Variants in TFEC observed in about 807,000 individuals in gnomAD.
TFEC encodes class E basic helix-loop-helix protein 34.
Under a neutral mutation model 41.6 loss-of-function variants are expected in TFEC, and 31 were observed. That is an observed-to-expected ratio of 0.74 (90% CI 0.56 to 1.01). The LOEUF is 1.01. TFEC is among the 50% of genes least tolerant of loss of function. The pLI is 0.00. For synonymous variants in TFEC, 143 were observed against 140.6 expected, an observed-to-expected ratio of 1.02 and a Z score of -0.12; for missense variants, 402 against 404.1, an observed-to-expected ratio of 0.99 and a Z score of 0.04.
intron 7 of TFEC, 90 bp downstream of exon 7, chr7:115,941,803 G>C: frequency 1.4e-6 from 2 of 1,478,034 alleles, no homozygotes; most frequent in Non-Finnish European, 1.8e-6. Context: ...TTGTTAATAA[G>C]AGAAAAAATA....
In TFEC at chr7:115,938,663, G is replaced by A. The variant is rs1793344248; in HGVS notation, c.*1888C>T. ...CAGCATTAGGGTCTCACATTTCATA[G>A]TGACATATTTTCCATGTGAGAAGCA... On this transcript the variant is annotated 3_prime_UTR_variant, in exon 8 of 8. Coordinates refer to ENST00000265440, the MANE Select transcript of TFEC (RefSeq NM_012252.4). 3 of 151,768 alleles carry A rather than the reference G, an allele frequency of 2.0e-5. No homozygotes were observed. The highest frequency in any genetic ancestry group is 4.2e-4 in the South Asian group (2 of 4,812). The allele number at this position is 151,768 out of a possible 1,614,324, so 9.4% of individuals were successfully genotyped here.
At position 115,936,961 on chromosome 7, in the gene TFEC, A is replaced by T. The variant is rs892204042; in HGVS notation, c.*3590T>A. On this transcript the variant is annotated 3_prime_UTR_variant, in exon 8 of 8. Coordinates refer to ENST00000265440, the MANE Select transcript of TFEC (RefSeq NM_012252.4). ...AACTGAGAAAATACCATCTGTACAT[A>T]TATTCTCCATTTGATATAGGAAAAA... is the stretch of plus-strand genomic sequence containing the variant. 1.3e-5 allele frequency: 2 copies of T among 151,550 alleles called. No homozygotes were observed. Among genetic ancestry groups the T allele is most frequent in the African/African-American group, 4.8e-5 (2 of 41,370 alleles). The allele number at this position is 151,550 out of a possible 1,614,324, so 9.4% of individuals were successfully genotyped here. A position where few individuals can be genotyped will look rare whatever the true frequency, so the allele number is the denominator to read the frequency against.
At chr7:116,061,016 C>G (rs1187516255) in intron 3 of TFEC, among the ~76,000 whole-genome samples, 1 of 152,052 alleles carries the variant, frequency 6.6e-6, no homozygotes, top group Non-Finnish European at 1.5e-5. Context: ...AGTCAGAAGA[C>G]TCAATGTTAC....
intron 3 of TFEC, chr7:115,968,208 T>C: frequency 6.5e-7 from 1 of 1,531,500 alleles, no homozygotes. Context: ...GAAGTGTCTA[T>C]AACCTTCACA....
At chr7:116,006,161 T>G (rs1794781256) in intron 1 of TFEC, among the ~76,000 whole-genome samples, 1 of 152,170 alleles carries the variant, frequency 6.6e-6, no homozygotes, top group Admixed American at 6.5e-5. Flanking sequence ...GGTCAGAGCC[T>G]CCGCACAGAG....
At chr7:116,134,677 T>C (rs1798401417) in intron 1 of TFEC, among the ~76,000 whole-genome samples, 1 of 152,192 alleles carries the variant, frequency 6.6e-6, no homozygotes, top group Non-Finnish European at 1.5e-5. Flanking sequence ...TTCTTCGCCC[T>C]TTTTTGATAA....
chr7:116,138,981 G>A (rs2116373274), intron 1 of TFEC, among the ~76,000 whole-genome samples: 1 of 152,192 alleles, frequency 6.6e-6, no homozygotes, highest in Non-Finnish European at 1.5e-5. Context: ...GCAAAATGCT[G>A]TCTTTTTTCC....
At chr7:116,010,524 TTGAAGATGTCCAGGAGGGGAAA>T (rs1438159799) in intron 1 of TFEC, among the ~76,000 whole-genome samples, 1 of 152,140 alleles carries the variant, frequency 6.6e-6, no homozygotes, top group African/African-American at 2.4e-5. Context: ...TTTTGAAGCC[TTGAAGATGTCCAGGAGGGGAAA>T]TGAAATAGGT....
intron 3 of TFEC, among the ~76,000 whole-genome samples, chr7:115,969,019 C>A (rs533261801): frequency 1.3e-5 from 2 of 151,814 alleles, no homozygotes; most frequent in Admixed American, 1.3e-4. Flanking sequence ...TTATTGTTGT[C>A]TTTATTCTTG....
At chr7:115,966,901 C>A (rs562749786) in intron 3 of TFEC, among the ~76,000 whole-genome samples, 1 of 151,908 alleles carries the variant, frequency 6.6e-6, no homozygotes, top group African/African-American at 2.4e-5. Context: ...TTTTTCCTTT[C>A]ACCCTAATAA....
intron 6 of TFEC, among the ~76,000 whole-genome samples, chr7:115,946,834 C>A (rs1410945810): frequency 2.0e-5 from 3 of 151,280 alleles, no homozygotes; most frequent in African/African-American, 7.2e-5. Flanking sequence ...ATGTGCCTGG[C>A]CCACAAGTAT....
intron 1 of TFEC, among the ~76,000 whole-genome samples, chr7:116,146,468 T>G (rs1301825058): frequency 6.6e-6 from 1 of 152,336 alleles, no homozygotes. Flanking sequence ...AGAAATTTAA[T>G]GATCTTCAAT....
At chr7:116,097,305 A>G (rs1476662645) in intron 3 of TFEC, among the ~76,000 whole-genome samples, 1 of 152,170 alleles carries the variant, frequency 6.6e-6, no homozygotes, top group Admixed American at 6.5e-5. Context: ...CTGAAACTGC[A>G]TTAGTACTGA....
At chr7:115,945,148 T>G (rs1791463003) in intron 6 of TFEC, among the ~76,000 whole-genome samples, 1 of 151,248 alleles carries the variant, frequency 6.6e-6, no homozygotes, top group Non-Finnish European at 1.5e-5. Flanking sequence ...GTCTTTTTTT[T>G]TTTTCAGATC....
At chr7:115,949,824 G>A (rs1345339865) in intron 6 of TFEC, among the ~76,000 whole-genome samples, 1 of 151,958 alleles carries the variant, frequency 6.6e-6, no homozygotes, top group African/African-American at 2.4e-5. Context: ...CAAAAGCAAT[G>A]GCAACCAAAA....
chr7:115,954,173 A>G (rs949598094), intron 5 of TFEC, among the ~76,000 whole-genome samples: 2 of 152,126 alleles, frequency 1.3e-5, no homozygotes, highest in Admixed American at 1.3e-4. Flanking sequence ...TTCAGATAAC[A>G]TATCATTAAG....
chr7:116,026,919 TAG>T lies in TFEC; in HGVS notation c.-73+3712_-73+3713del, dbSNP rs1302438130. 3.3e-5 allele frequency among the ~76,000 whole-genome samples: 5 copies of T among 152,154 alleles called. 1 individual carries two copies. The highest frequency in any genetic ancestry group is 1.2e-4 in the African/African-American group (5 of 41,432). ...TGATTGGCTAAGTGGGGAGAAACACTAGAGAGTATTACTAAAATATCAGATGC... is the reference window on the plus strand; with the variant it reads ...TGATTGGCTAAGTGGGGAGAAACACTAGAGTATTACTAAAATATCAGATGC... On this transcript the variant is annotated intron_variant, in intron 1 of 7. Transcript: ENST00000265440.
At chr7:116,062,375 G>T (rs73220442) in intron 3 of TFEC, among the ~76,000 whole-genome samples, 26,391 of 149,376 alleles carry the variant, frequency 0.18, 2,373 homozygotes, top group East Asian at 0.32. Flanking sequence ...GAGCCACAGT[G>T]CCTGGCACCA....
At chr7:115,988,625 AG>A (rs934841108) in intron 1 of TFEC, among the ~76,000 whole-genome samples, 2 of 152,126 alleles carry the variant, frequency 1.3e-5, no homozygotes, top group Non-Finnish European at 2.9e-5. Flanking sequence ...GGAAAACCCA[AG>A]GGAAGAGAAA....
Sources: gnomAD v4.1 joint callset for allele counts (sites outside exome capture counted in the v4.1 genomes callset) on GRCh38, gnomAD v4.1.1 for gene constraint, MANE v1.5 for transcripts, NCBI Gene and HGNC (gene_info 2026-07-23, HGNC 2026-07-21) for gene names.